PCNX2: variants seen among roughly 807,000 people sequenced by gnomAD.
PCNX2 encodes the protein pecanex 2, also known as pecanex-like protein 2.
PCNX2 carries 168 observed loss-of-function variants against 223.8 expected under a neutral mutation model. The observed-to-expected ratio is 0.75, with a 90% CI of 0.66 to 0.85. The LOEUF is 0.85. PCNX2 is among the 40% of genes least tolerant of loss of function. The pLI is 0.00. For synonymous variants in PCNX2, 1,006 were observed against 1,052.6 expected, an observed-to-expected ratio of 0.96 and a Z score of 0.86; for missense variants, 2,507 against 2,675.5, an observed-to-expected ratio of 0.94 and a Z score of 1.39.
intron 15 of PCNX2, among the ~76,000 whole-genome samples, chr1:233,187,499 C>T (rs779216735): frequency 6.6e-6 from 1 of 152,052 alleles, no homozygotes; most frequent in Non-Finnish European, 1.5e-5. Context: ...TCAGTCACTA[C>T]ATTTCTGGAT....
chr1:232,989,453 C>CAA (rs1007929012), intron 32 of PCNX2, among the ~76,000 whole-genome samples: 2 of 138,198 alleles, frequency 1.4e-5, no homozygotes, highest in Non-Finnish European at 3.2e-5. Flanking sequence ...GACTCCGTCT[C>CAA]AAAAAAAAAA....
chr1:233,323,883 G>A, the PCNX2 span, among the ~76,000 whole-genome samples: 6 of 152,236 alleles, frequency 3.9e-5, no homozygotes, highest in Non-Finnish European at 4.4e-5. Flanking sequence ...TAAGCTTAGT[G>A]AGGAAGGCAC....
intron 20 of PCNX2, among the ~76,000 whole-genome samples, chr1:233,138,244 T>C (rs1450985888): frequency 1.3e-5 from 2 of 152,064 alleles, no homozygotes; most frequent in Non-Finnish European, 2.9e-5. Flanking sequence ...TGGAAAAAAA[T>C]TACAGGGGAT....
chr1:233,086,717 T>C (rs527244765), intron 23 of PCNX2, among the ~76,000 whole-genome samples: 20 of 151,962 alleles, frequency 1.3e-4, no homozygotes, highest in African/African-American at 4.6e-4. Context: ...AAAATTCAGT[T>C]CCTCCATCAG....
intron 15 of PCNX2, among the ~76,000 whole-genome samples, chr1:233,186,147 C>T (rs963799952): frequency 6.6e-6 from 1 of 152,130 alleles, no homozygotes; most frequent in Non-Finnish European, 1.5e-5. Context: ...TATCAACAGG[C>T]CGAATTCTTG....
At chr1:233,157,909 T>G (rs1040547277) in intron 19 of PCNX2, among the ~76,000 whole-genome samples, 1 of 152,134 alleles carries the variant, frequency 6.6e-6, no homozygotes, top group African/African-American at 2.4e-5. Context: ...CTAGTGTAGG[T>G]AGGTGAGAAA....
Position 233,139,577 on chromosome 1 carries a change from G to T in PCNX2, c.3659+137C>A. The stretch of plus-strand genomic sequence containing the variant: ...TAGCTCCAGTGGGTTTTGAGTAAAA[G>T]ACCACCATGGCTTATTTTTACATGG... On this transcript the variant is annotated intron_variant, in intron 20 of 33. Coordinates refer to ENST00000258229, the MANE Select transcript of PCNX2 (RefSeq NM_014801.4). The surrounding 1 kb of genome is among the most constrained non-coding windows in gnomAD (Gnocchi z 4.4). The T allele has an allele frequency of 7.5e-6, 8 of 1,064,538 alleles. No individual in the cohort carries two copies. The highest frequency in any genetic ancestry group is 1.1e-5 in the Non-Finnish European group (8 of 751,464). 65.9% of individuals were successfully genotyped at this position (1,064,538 alleles called of 1,614,324 possible).
At chr1:233,230,388 T>C (rs186142677) in intron 9 of PCNX2, among the ~76,000 whole-genome samples, 159 of 152,214 alleles carry the variant, frequency 1.0e-3, no homozygotes, top group Non-Finnish European at 1.5e-3. Flanking sequence ...TATCTTTCAC[T>C]GTAAGTGATC....
chr1:233,080,223 G>A (rs561241596), intron 23 of PCNX2, among the ~76,000 whole-genome samples: 2 of 152,088 alleles, frequency 1.3e-5, no homozygotes, highest in South Asian at 4.2e-4. Flanking sequence ...GATTTTTTGG[G>A]GGGGCTGGTT....
intron 25 of PCNX2, among the ~76,000 whole-genome samples, chr1:233,026,555 C>G (rs564144596): frequency 6.6e-6 from 1 of 152,058 alleles, no homozygotes; most frequent in Non-Finnish European, 1.5e-5. Context: ...GTTAGTGAAC[C>G]CAGATGCAAG....
intron 1 of PCNX2, among the ~76,000 whole-genome samples, chr1:233,280,737 G>A (rs1190809796): frequency 3.3e-5 from 5 of 151,978 alleles, no homozygotes; most frequent in Admixed American, 3.3e-4. Flanking sequence ...CAAAAATATT[G>A]GTCAATAAAT....
chr1:233,105,998 A>G (rs1217150996), intron 21 of PCNX2, among the ~76,000 whole-genome samples: 1 of 152,162 alleles, frequency 6.6e-6, no homozygotes, highest in Non-Finnish European at 1.5e-5. Context: ...CTGGAGCTTT[A>G]GCTTAAGGAT....
intron 17 of PCNX2, among the ~76,000 whole-genome samples, chr1:233,161,706 C>T (rs1012781289): frequency 1.3e-5 from 2 of 152,066 alleles, no homozygotes; most frequent in Non-Finnish European, 2.9e-5. Flanking sequence ...TGTGTTTCCA[C>T]AAACACAGAT....
At chr1:233,267,852 T>G (rs1316165613) in intron 1 of PCNX2, among the ~76,000 whole-genome samples, 1 of 152,172 alleles carries the variant, frequency 6.6e-6, no homozygotes, top group East Asian at 1.9e-4. Flanking sequence ...TCTGAAGCCC[T>G]GCTTTCAGTT....
chr1:233,161,967 T>C (rs904360835), intron 17 of PCNX2, among the ~76,000 whole-genome samples: 21 of 148,066 alleles, frequency 1.4e-4, no homozygotes, highest in African/African-American at 4.6e-4. Flanking sequence ...TTTTTATATA[T>C]ATATATATTT....
chr1:233,010,696 AT>A (rs1481685487), intron 28 of PCNX2, among the ~76,000 whole-genome samples: 3 of 152,248 alleles, frequency 2.0e-5, no homozygotes, highest in Admixed American at 1.3e-4. Context: ...AATCTAAAAA[AT>A]ATAAGTGTCT....
Position 233,097,741 on chromosome 1 carries a change from G to A in PCNX2, c.3838-1878C>T, listed in dbSNP as rs116656820. Among the ~76,000 whole-genome samples the A allele has an allele frequency of 4.2e-3, 634 of 152,254 alleles. 1 individual carries two copies. Among genetic ancestry groups the A allele is most frequent in the Middle Eastern group, 0.02 (6 of 294 alleles). On this transcript the variant is annotated intron_variant, in intron 21 of 33. Coordinates refer to ENST00000258229, the MANE Select transcript of PCNX2 (RefSeq NM_014801.4). ...CATCTTACTTTTTACCAGTCATTAG[G>A]TGACTCCTACAGATCAAGAAACGGA...
intron 1 of PCNX2, among the ~76,000 whole-genome samples, chr1:233,273,035 T>C (rs979371864): frequency 5.3e-5 from 8 of 151,394 alleles, no homozygotes; most frequent in African/African-American, 9.7e-5. Flanking sequence ...GACAACAAAT[T>C]GGGTATAGTG....
At chr1:233,225,846 T>C (rs1337446584) in intron 10 of PCNX2, among the ~76,000 whole-genome samples, 2 of 152,234 alleles carry the variant, frequency 1.3e-5, no homozygotes, top group Non-Finnish European at 2.9e-5. Flanking sequence ...TTTAGTTAAG[T>C]ATTAAATGTT....
Sources: gnomAD v4.1 joint callset for allele counts (sites outside exome capture counted in the v4.1 genomes callset) on GRCh38, gnomAD v4.1.1 for gene constraint, Gnocchi (gnomAD v3.1) non-coding constraint, MANE v1.5 for transcripts, NCBI Gene and HGNC (gene_info 2026-07-23, HGNC 2026-07-21) for gene names.